Variants in FSTL5 observed in about 807,000 individuals in gnomAD.
The protein encoded by FSTL5 is follistatin-related protein 5.
In FSTL5, 62 loss-of-function variants were observed where a neutral mutation model predicts 89.1. The ratio of observed to expected loss-of-function variants is 0.70; its 90% CI spans 0.57 to 0.86. The LOEUF is 0.86. Among genes scored for constraint, FSTL5 ranks in the 40% least tolerant of loss-of-function variants. The pLI is 0.00. For synonymous variants in FSTL5, 383 were observed against 346.2 expected (o/e 1.11, Z -1.18); for missense variants, 1,057 against 1,001.6 (o/e 1.06, Z -0.75).
At chr4:161,916,861 A>C (rs1733855466) in intron 4 of FSTL5, among the ~76,000 whole-genome samples, 1 of 152,224 alleles carries the variant, frequency 6.6e-6, no homozygotes, top group Admixed American at 6.5e-5. Flanking sequence ...TATTTTATAT[A>C]GAAATGTAGA....
At chr4:161,795,962 G>C (rs1729620920) in intron 4 of FSTL5, among the ~76,000 whole-genome samples, 2 of 151,650 alleles carry the variant, frequency 1.3e-5, no homozygotes, top group Non-Finnish European at 3.0e-5. Context: ...AGAAATCTTT[G>C]TGTTGTAAAC....
chr4:161,709,050 G>A (rs143579506), intron 6 of FSTL5, among the ~76,000 whole-genome samples: 49 of 152,206 alleles, frequency 3.2e-4, no homozygotes, highest in African/African-American at 1.1e-3. Context: ...CAAAAGTTGT[G>A]ATTATTTTGC....
At chr4:161,454,826 G>T (rs1238814364) in intron 15 of FSTL5, among the ~76,000 whole-genome samples, 178 bp downstream of exon 15, 2 of 152,172 alleles carry the variant, frequency 1.3e-5, no homozygotes, top group African/African-American at 4.8e-5. Context: ...CATTTTATGG[G>T]AAATTCATCA....
chr4:162,101,510 G>A (rs781442553), intron 2 of FSTL5, among the ~76,000 whole-genome samples: 11 of 152,072 alleles, frequency 7.2e-5, no homozygotes, highest in South Asian at 2.1e-4. Flanking sequence ...TTCCATTCTC[G>A]GCTGAAAAGT....
At chr4:161,872,140 G>GTTTTTTTTTTTTTTT (rs1491313878) in intron 4 of FSTL5, among the ~76,000 whole-genome samples, 83 of 67,470 alleles carry the variant, frequency 1.2e-3, no homozygotes, top group Non-Finnish European at 1.5e-3. Flanking sequence ...TTTTTTTTTT[G>GTTTTTTTTTTTTTTT]GTTTTTTTTT....
intron 10 of FSTL5, among the ~76,000 whole-genome samples, chr4:161,516,514 C>A (rs984045338): frequency 5.5e-5 from 8 of 145,776 alleles, no homozygotes; most frequent in African/African-American, 2.0e-4. Context: ...TATATATATA[C>A]ACACATATAT....
At chr4:161,793,520 C>T (rs1560926) in intron 4 of FSTL5, among the ~76,000 whole-genome samples, 21,136 of 152,116 alleles carry the variant, frequency 0.14, 2,807 homozygotes, top group African/African-American at 0.34. Flanking sequence ...ACTGATTTAA[C>T]TCTAATGTGA....
At chr4:162,064,439 C>G (rs376129484) in intron 2 of FSTL5, among the ~76,000 whole-genome samples, 20 of 151,984 alleles carry the variant, frequency 1.3e-4, no homozygotes, top group African/African-American at 4.6e-4. Flanking sequence ...GCAGATAGTT[C>G]TCTCTAACAT....
At chr4:161,620,131 T>G (rs918224591) in intron 7 of FSTL5, among the ~76,000 whole-genome samples, 3 of 138,670 alleles carry the variant, frequency 2.2e-5, no homozygotes, top group Admixed American at 8.2e-5. Flanking sequence ...TAGGTGGGAA[T>G]TGAACAATGA....
chr4:161,947,444 A>G (rs1022045358), intron 3 of FSTL5, among the ~76,000 whole-genome samples: 7 of 152,044 alleles, frequency 4.6e-5, no homozygotes, highest in Non-Finnish European at 7.4e-5. Context: ...AAAGGTTGAA[A>G]TTCTTTTTTC....
At chr4:161,467,815 C>CA (rs35135245) in intron 13 of FSTL5, among the ~76,000 whole-genome samples, 2 of 151,416 alleles carry the variant, frequency 1.3e-5, no homozygotes, top group Non-Finnish European at 2.9e-5. Flanking sequence ...TACGTGGCTG[C>CA]AAAAAAGAGA....
chr4:161,507,046 A>G (rs1430720241), intron 11 of FSTL5, among the ~76,000 whole-genome samples: 3 of 152,106 alleles, frequency 2.0e-5, no homozygotes, highest in African/African-American at 7.2e-5. Context: ...GTTCTACTCA[A>G]TATTGATCCT....
intron 2 of FSTL5, among the ~76,000 whole-genome samples, chr4:162,055,811 ATGCAAGTTACAAATGTGGCAC>A (rs1349387154): frequency 1.3e-5 from 2 of 151,902 alleles, no homozygotes; most frequent in African/African-American, 2.4e-5. Flanking sequence ...AATATGGCAT[ATGCAAGTTACAAATGTGGCAC>A]TGCAAGTCAC....
chr4:161,863,147 T>C (rs1731971445), intron 4 of FSTL5, among the ~76,000 whole-genome samples: 1 of 152,210 alleles, frequency 6.6e-6, no homozygotes, highest in African/African-American at 2.4e-5. Flanking sequence ...TAGCTATCTT[T>C]GTTAACAGGT....
intron 1 of FSTL5, among the ~76,000 whole-genome samples, chr4:162,128,081 T>C (rs550943381): frequency 2.0e-5 from 3 of 147,442 alleles, no homozygotes; most frequent in Admixed American, 1.4e-4. Flanking sequence ...GAATTTTATA[T>C]GTATTTGAAA....
intron 7 of FSTL5, among the ~76,000 whole-genome samples, chr4:161,614,913 T>C (rs2126639147): frequency 6.6e-6 from 1 of 152,264 alleles, no homozygotes; most frequent in Non-Finnish European, 1.5e-5. Flanking sequence ...CTACCTCTTA[T>C]GGAACCTCAA....
intron 1 of FSTL5, among the ~76,000 whole-genome samples, chr4:162,129,148 G>A (rs1304936135): frequency 6.6e-6 from 1 of 152,102 alleles, no homozygotes; most frequent in East Asian, 1.9e-4. Flanking sequence ...GACCAGGCTG[G>A]TCTTGAACTC....
intron 6 of FSTL5, among the ~76,000 whole-genome samples, chr4:161,713,736 T>A (rs1169949784): frequency 6.6e-6 from 1 of 152,046 alleles, no homozygotes; most frequent in Non-Finnish European, 1.5e-5. Flanking sequence ...GTTTTATAAT[T>A]AATTTTTTTC....
intron 7 of FSTL5, among the ~76,000 whole-genome samples, chr4:161,654,767 T>C (rs933080521): frequency 1.3e-5 from 2 of 152,044 alleles, no homozygotes; most frequent in Non-Finnish European, 2.9e-5. Flanking sequence ...ATAAAAAATA[T>C]GAAAGAGAAC....
Sources: gnomAD v4.1 joint callset for allele counts (sites outside exome capture counted in the v4.1 genomes callset) on GRCh38, gnomAD v4.1.1 for gene constraint, MANE v1.5 for transcripts, NCBI Gene and HGNC (gene_info 2026-07-23, HGNC 2026-07-21) for gene names.